KCNT1: variants seen among roughly 807,000 people sequenced by gnomAD.
The protein encoded by KCNT1 is potassium sodium-activated channel subfamily T member 1, also known as potassium channel subfamily T member 1.
A neutral mutation model predicts 147.8 loss-of-function variants in KCNT1; 78 were observed. That is an observed-to-expected ratio of 0.53 (90% CI 0.44 to 0.64). The LOEUF (loss-of-function observed/expected upper bound fraction) is 0.64, where lower values mean the gene tolerates loss of function less well. KCNT1 is among the 30% of genes least tolerant of loss of function. KCNT1 has a pLI of 0.00. For synonymous variants in KCNT1, 867 were observed against 748.8 expected, an observed-to-expected ratio of 1.16 and a Z score of -2.58; for missense variants, 1,419 against 1,750.3, an observed-to-expected ratio of 0.81 and a Z score of 3.38.
intron 9 of KCNT1, 84 bp downstream of exon 9, chr9:135,757,465 C>G: frequency 8.1e-7 from 1 of 1,241,518 alleles, no homozygotes. Context: ...TGCGACGTAG[C>G]CTGCCACGCC....
At chr9:135,709,169 C>G (rs1564310758) in intron 1 of KCNT1, among the ~76,000 whole-genome samples, 1 of 152,170 alleles carries the variant, frequency 6.6e-6, no homozygotes, top group African/African-American at 2.4e-5. Context: ...CCCAGAGAAA[C>G]CCACCTCTTC....
At chr9:135,706,358 GC>G (rs1835254565) in intron 1 of KCNT1, among the ~76,000 whole-genome samples, 1 of 152,238 alleles carries the variant, frequency 6.6e-6, no homozygotes, top group South Asian at 2.1e-4. Context: ...AAGTGGAATT[GC>G]CCAGTCAAAA....
chr9:135,704,019 G>A (rs1835146370), intron 1 of KCNT1, among the ~76,000 whole-genome samples: 1 of 152,262 alleles, frequency 6.6e-6, no homozygotes, highest in South Asian at 2.1e-4. Flanking sequence ...GGGCTTGGCT[G>A]GGCTCGGGAG....
intron 2 of KCNT1, among the ~76,000 whole-genome samples, chr9:135,719,638 C>A (rs939540227): frequency 6.6e-6 from 1 of 152,352 alleles, no homozygotes; most frequent in East Asian, 1.9e-4. Context: ...CACTCCCAGG[C>A]ATTAAGCAGG....
chr9:135,764,640 C>T (rs962264172), intron 11 of KCNT1, among the ~76,000 whole-genome samples: 1 of 152,206 alleles, frequency 6.6e-6, no homozygotes, highest in Admixed American at 6.5e-5. Context: ...ACCTGCCCCC[C>T]AGACATAGGC....
At chr9:135,784,956 C>A in intron 27 of KCNT1, 67 bp downstream of exon 27, 3 of 1,575,016 alleles carry the variant, frequency 1.9e-6, no homozygotes, top group Non-Finnish European at 2.6e-6. Flanking sequence ...AGCATCCCCA[C>A]CTTCCGGGGG....
At chr9:135,715,602 C>T (rs1005052311) in intron 2 of KCNT1, among the ~76,000 whole-genome samples, 1 of 152,240 alleles carries the variant, frequency 6.6e-6, no homozygotes, top group African/African-American at 2.4e-5. Context: ...CGCACTTTCC[C>T]CCAACAACGC....
Position 135,791,823 on chromosome 9 carries a change from C to T in KCNT1, c.3529C>T (p.Leu1177Phe), listed in dbSNP as rs1474508355. 5.0e-6 allele frequency: 8 copies of T among 1,613,960 alleles called. No individual in the cohort carries two copies. The South Asian group carries it at 8.8e-5, about 18-fold the overall frequency. The stretch of plus-strand genomic sequence containing the variant: ...CGAGATGAACGACCACCAGAACACC[C>T]TCTCCTACGTCCTCATCAACCCTCC... ...YDEMNDHQNTLSYVLINPPPD... is the reference protein window; with the variant it reads ...YDEMNDHQNTFSYVLINPPPD... Residue 1177 changes from leucine (L) to phenylalanine (F), a missense_variant, in exon 30 of 31, where the codon CTC becomes TTC. Leu to Phe is a conservative substitution (Grantham distance 22, BLOSUM62 0). Around this residue, in one of 5 missense-constraint regions of KCNT1, gnomAD observed 306 missense variants for 294.2 expected, o/e 1.04. Transcript: ENST00000371757.
intron 2 of KCNT1, among the ~76,000 whole-genome samples, chr9:135,731,973 TATATATATATATATATATAGAGAGAGAG>T (rs1564327840): frequency 1.6e-4 from 4 of 24,484 alleles, no homozygotes; most frequent in Non-Finnish European, 3.2e-4. Context: ...TATATATATA[TATATATATATATATATATAGAGAGAGAG>T]AGAGAGAGAG....
chr9:135,772,904 A>G lies in KCNT1; in HGVS notation c.2198A>G (p.Glu733Gly), dbSNP rs2131521801. The G allele has an allele frequency of 6.5e-7, 1 of 1,549,750 alleles. No homozygotes were observed. Among genetic ancestry groups the G allele is most frequent in the South Asian group, 1.2e-5 (1 of 83,616 alleles). ...TGCGACCTGCTGAGCGACCAGTCGG[A>G]GGATGAGGTGACGCCGTCGGACGAC... ...LPCDLLSDQS[E>G]DEVTPSDDEG... Residue 733 changes from glutamate to glycine, a missense_variant, in exon 19 of 31, where the codon GAG (glutamate) becomes GGG (glycine). Physicochemically the swap from Glu to Gly is moderately conservative, Grantham distance 98. Around this residue, in one of 5 missense-constraint regions of KCNT1, gnomAD observed 284 missense variants for 292.8 expected, o/e 0.97. Transcript: ENST00000371757.
chr9:135,707,176 A>G (rs1835292450), intron 1 of KCNT1, among the ~76,000 whole-genome samples: 1 of 151,742 alleles, frequency 6.6e-6, no homozygotes, highest in Admixed American at 6.6e-5. Flanking sequence ...GCACCCCTGC[A>G]GGCCATGCCA....
At position 135,777,585 on chromosome 9, in the gene KCNT1, G is replaced by GC. The variant is rs2131544615; in HGVS notation, c.2522+78dup. ...TGCAGCCAGCAGCCTCCCCAACTGG[G>GC]CCCACCCTTCGCCTTTGCAGAGGGC... On this transcript the variant is annotated intron_variant, in intron 21 of 30. Transcript: ENST00000371757. The GC allele has an allele frequency of 9.7e-6, 14 of 1,448,996 alleles. No homozygotes were observed. In the South Asian group the frequency reaches 1.7e-4, roughly 17 times the overall value. The allele number at this position is 1,448,996 out of a possible 1,614,324, so 89.8% of individuals were successfully genotyped here.
chr9:135,769,014 G>T, intron 15 of KCNT1, 77 bp downstream of exon 15: 1 of 1,144,672 alleles, frequency 8.7e-7, no homozygotes, highest in Non-Finnish European at 1.3e-6. Context: ...GGTGCATCTG[G>T]GGCAGGGCGC....
chr9:135,724,823 T>C (rs1444326820), intron 2 of KCNT1, among the ~76,000 whole-genome samples: 1 of 152,140 alleles, frequency 6.6e-6, no homozygotes, highest in Non-Finnish European at 1.5e-5. Context: ...CCCACCTGGA[T>C]TGGAGCTTCC....
In KCNT1 at chr9:135,711,590, G is replaced by A. The variant is rs116122799; in HGVS notation, c.111-2987G>A. ...GCAGCTGGCACTGAGCACAGCTGCC[G>A]GGCTCCCCTCTGATGGGGTTGTCAG... On this transcript the variant is annotated intron_variant, in intron 1 of 30. Transcript: ENST00000371757. 7.2e-3 allele frequency among the ~76,000 whole-genome samples: 1,099 copies of A among 152,354 alleles called. 19 individuals carry two copies. The highest frequency in any genetic ancestry group is 0.025 in the African/African-American group (1,033 of 41,590).
chr9:135,714,584 T>C lies in KCNT1; in HGVS notation c.118T>C (p.Cys40Arg). ...GCTGGCGTGTGCCCGCAGGCGGCCC[T>C]GCGCGGGGGACGGCGCGCTCCTGGA... Reference protein sequence around the residue: ...DDGQCAPRRPCAGDGALLDTA... With the variant: ...DDGQCAPRRPRAGDGALLDTA... Residue 40 changes from cysteine to arginine, a missense_variant, in exon 2 of 31, where the codon TGC (cysteine) becomes CGC (arginine). Physicochemically the swap from Cys to Arg is radical, Grantham distance 180. Transcript: ENST00000371757. This position sits in a 1 kb window ranked among gnomAD's most constrained non-coding sequence, Gnocchi z 6.2. 1.5e-6 allele frequency: 2 copies of C among 1,363,210 alleles called. No individual in the cohort carries two copies. The highest frequency in any genetic ancestry group is 1.9e-6 in the Non-Finnish European group (2 of 1,041,726). 84.4% of individuals were successfully genotyped at this position (1,363,210 alleles called of 1,614,324 possible). A position where few individuals can be genotyped will look rare whatever the true frequency, so the allele number is the denominator to read the frequency against.
chr9:135,777,024 G>A (rs559708891), intron 20 of KCNT1, among the ~76,000 whole-genome samples: 9 of 152,234 alleles, frequency 5.9e-5, no homozygotes, highest in Non-Finnish European at 1.2e-4. Context: ...CTGAGAAAAC[G>A]TGTGTGCATA....
chr9:135,753,711 G>A (rs1831320068), intron 4 of KCNT1: 3 of 594,414 alleles, frequency 5.0e-6, no homozygotes, highest in Non-Finnish European at 9.0e-6. Flanking sequence ...GCAGTGGCCA[G>A]CCCAGCATTC....
chr9:135,782,510 G>A (rs1219586422), intron 24 of KCNT1, among the ~76,000 whole-genome samples: 1 of 152,202 alleles, frequency 6.6e-6, no homozygotes, highest in Non-Finnish European at 1.5e-5. Flanking sequence ...CCTCTGACCG[G>A]GGGTCTCGTG....
Sources: allele counts gnomAD v4.1 joint callset (sites outside exome capture counted in the v4.1 genomes callset), GRCh38; gene constraint gnomAD v4.1.1; regional missense constraint gnomAD v4.1.1; non-coding constraint Gnocchi (gnomAD v3.1); transcripts MANE v1.5; gene names NCBI Gene and HGNC (gene_info 2026-07-23, HGNC 2026-07-21).